CACNA1C: variants seen among roughly 807,000 people sequenced by gnomAD.
CACNA1C encodes the protein voltage-dependent L-type calcium channel subunit alpha-1C.
A neutral mutation model predicts 229.0 loss-of-function variants in CACNA1C; 30 were observed. The observed-to-expected ratio is 0.13, with a 90% CI of 0.10 to 0.18. CACNA1C has a LOEUF of 0.18. Among genes scored for constraint, CACNA1C ranks in the 10% least tolerant of loss-of-function variants. The pLI is 1.00. For synonymous variants in CACNA1C, 1,114 were observed against 1,132.5 expected, an observed-to-expected ratio of 0.98 and a Z score of 0.33; for missense variants, 1,658 against 2,845.0, an observed-to-expected ratio of 0.58 and a Z score of 9.49.
intron 3 of CACNA1C, among the ~76,000 whole-genome samples, chr12:2,136,063 C>G (rs978489082): frequency 6.6e-6 from 1 of 150,970 alleles, no homozygotes; most frequent in African/African-American, 2.4e-5. Flanking sequence ...GGGAGTGACC[C>G]AATTTTCCAG....
rs112892848 is a variant in CACNA1C, at chr12:2,572,964, TCTCCTC to T, written c.1895+5182_1895+5187del. 8.0e-5 allele frequency among the ~76,000 whole-genome samples: 11 copies of T among 138,334 alleles called. No homozygotes were observed. The East Asian group carries it at 1.1e-3, about 14-fold the overall frequency. The allele number at this position is 138,334 out of a possible 152,430, so 90.8% of individuals were successfully genotyped here. On this transcript the variant is annotated intron_variant, in intron 13 of 46. Transcript: ENST00000399655. ...CTCCTTCTCCTCTTCCTCTTCCTCC[TCTCCTC>T]CTCCTCCTCCTGTCCTCTTCCTTCT...
chr12:2,556,665 T>C (rs2044462164), intron 10 of CACNA1C, among the ~76,000 whole-genome samples: 1 of 152,234 alleles, frequency 6.6e-6, no homozygotes, highest in African/African-American at 2.4e-5. Flanking sequence ...CTTCCTAACC[T>C]GACCTCATAG....
chr12:2,530,536 T>C (rs955880738), intron 9 of CACNA1C, among the ~76,000 whole-genome samples: 59 of 152,162 alleles, frequency 3.9e-4, no homozygotes, highest in African/African-American at 1.3e-3. Flanking sequence ...AGAAGGACCA[T>C]GATGGAGCCC....
chr12:2,685,594 A>G (rs1429533582), intron 43 of CACNA1C, 142 bp from the exon 44 acceptor site: 4 of 648,342 alleles, frequency 6.2e-6, no homozygotes, highest in East Asian at 2.8e-5. Context: ...TGGGGTGGCA[A>G]TTCCCCAAAC....
intron 3 of CACNA1C, among the ~76,000 whole-genome samples, chr12:2,405,434 A>C (rs1387275005): frequency 1.3e-5 from 2 of 152,098 alleles, no homozygotes; most frequent in Admixed American, 1.3e-4. Flanking sequence ...CATCATCCCT[A>C]ACCCCTGGCA....
chr12:2,206,884 C>T (rs895078051), intron 3 of CACNA1C, among the ~76,000 whole-genome samples: 1 of 152,146 alleles, frequency 6.6e-6, no homozygotes, highest in South Asian at 2.1e-4. Context: ...ACCCATGCTT[C>T]GTATTTTATA....
intron 1 of CACNA1C, among the ~76,000 whole-genome samples, chr12:2,085,938 G>A (rs745437122): frequency 1.3e-5 from 2 of 152,146 alleles, no homozygotes; most frequent in Non-Finnish European, 2.9e-5. Flanking sequence ...TGGATATGCC[G>A]TTCCCTGTAC....
At position 2,298,087 on chromosome 12, in the gene CACNA1C, A is replaced by G. The variant is rs1275339652; in HGVS notation, c.478-150889A>G. 5.9e-5 allele frequency among the ~76,000 whole-genome samples: 9 copies of G among 152,278 alleles called. No homozygotes were observed. The South Asian group carries it at 1.2e-3, about 21-fold the overall frequency. ...CTGTGGAGTCCGACAGTGGGGTTCA[A>G]ATACTCACATGTGCTGTTGTGCTTG... On this transcript the variant is annotated intron_variant, in intron 3 of 46. Transcript: ENST00000399655.
In CACNA1C at chr12:2,335,590, T is replaced by G. The variant is rs372815995; in HGVS notation, c.478-113386T>G. On this transcript the variant is annotated intron_variant, in intron 3 of 46. Transcript: ENST00000399655. Reference sequence around the variant, plus strand: ...CCTGGAAGGCAGGTCTGCTCTGTTCTCTTCTTTCACATGTGTCTACTCCCA... The same window carrying G: ...CCTGGAAGGCAGGTCTGCTCTGTTCGCTTCTTTCACATGTGTCTACTCCCA... 1.8e-3 allele frequency among the ~76,000 whole-genome samples: 281 copies of G among 152,326 alleles called. 2 individuals are homozygous for G. The highest frequency in any genetic ancestry group is 6.3e-3 in the African/African-American group (262 of 41,592).
chr12:1,991,550 C>T, intron 1 of CACNA1C: 1 of 225,764 alleles, frequency 4.4e-6, no homozygotes, highest in Non-Finnish European at 8.7e-6. Context: ...AGGTTTTTTC[C>T]TTTTTTTTTT....
chr12:2,434,279 A>G (rs550891763), intron 3 of CACNA1C, among the ~76,000 whole-genome samples: 1 of 152,300 alleles, frequency 6.6e-6, no homozygotes, highest in African/African-American at 2.4e-5. Context: ...TCATCATGTC[A>G]TATCTGAAGT....
chr12:2,474,341 G>A lies in CACNA1C; in HGVS notation c.758-11763G>A, dbSNP rs116342923. ...AAGGGTTTGGCACAAAGAGAATGTC[G>A]CAAAGATTTTCCAGTGCTCTAGAAT... On this transcript the variant is annotated intron_variant, in intron 5 of 46. Coordinates refer to ENST00000399655, the MANE Select transcript of CACNA1C (RefSeq NM_000719.7). Among the ~76,000 whole-genome samples, 1,083 of 152,224 alleles carry A rather than the reference G, an allele frequency of 7.1e-3. 8 individuals are homozygous for A. Among genetic ancestry groups the A allele is most frequent in the African/African-American group, 0.024 (985 of 41,536 alleles).
intron 3 of CACNA1C, among the ~76,000 whole-genome samples, chr12:2,209,543 A>G (rs1216266100): frequency 6.6e-6 from 1 of 152,202 alleles, no homozygotes; most frequent in African/African-American, 2.4e-5. Flanking sequence ...CCACCGTCAC[A>G]CAGCGCCCTA....
intron 3 of CACNA1C, among the ~76,000 whole-genome samples, chr12:2,251,153 G>A (rs1474883393): frequency 6.6e-6 from 1 of 152,196 alleles, no homozygotes; most frequent in Non-Finnish European, 1.5e-5. Flanking sequence ...CTGGGGAGTG[G>A]AGAATCGTTG....
At chr12:2,125,453 C>T (rs907503951) in intron 3 of CACNA1C, among the ~76,000 whole-genome samples, 6 of 152,022 alleles carry the variant, frequency 3.9e-5, no homozygotes, top group African/African-American at 7.2e-5. Context: ...TTATGTACCC[C>T]GAAAATGAAG....
Position 2,232,291 on chromosome 12 carries a change from T to C in CACNA1C, c.477+111861T>C, listed in dbSNP as rs139094586. ...TTTGTTTTTAATGACTTTGACACTT[T>C]TGAAGAATCCGGGTCAGTTATCATG... On this transcript the variant is annotated intron_variant, in intron 3 of 46. Coordinates refer to ENST00000399655, the MANE Select transcript of CACNA1C (RefSeq NM_000719.7). 1.3e-5 allele frequency among the ~76,000 whole-genome samples: 2 copies of C among 150,812 alleles called. 1 individual carries two copies. Among genetic ancestry groups the C allele is most frequent in the African/African-American group, 4.9e-5 (2 of 40,822 alleles).
rs978882128 is a variant in CACNA1C at position 2,493,589 on chromosome 12, C to T, written c.1113+203C>T. ...CTTTTCACCCTAACGAGTCCCCTCCCCCACCCGCCAGCCTTAGGGGAAGGT... is the reference window on the plus strand; with the variant it reads ...CTTTTCACCCTAACGAGTCCCCTCCTCCACCCGCCAGCCTTAGGGGAAGGT... On this transcript the variant is annotated intron_variant, in intron 7 of 46. Coordinates refer to ENST00000399655, the MANE Select transcript of CACNA1C (RefSeq NM_000719.7). The surrounding 1 kb of genome is among the most constrained non-coding windows in gnomAD (Gnocchi z 4.6). Among the ~76,000 whole-genome samples, 23 of 152,188 alleles carry T rather than the reference C, an allele frequency of 1.5e-4. No individual in the cohort carries two copies. Among genetic ancestry groups the T allele is most frequent in the African/African-American group, 5.3e-4 (22 of 41,428 alleles).
intron 3 of CACNA1C, among the ~76,000 whole-genome samples, chr12:2,214,703 C>T (rs1034930152): frequency 3.8e-5 from 2 of 52,630 alleles, no homozygotes; most frequent in African/African-American, 2.6e-4. Context: ...CAGGAGTGTG[C>T]CTGAGGACCT....
chr12:2,624,903 C>T (rs974488917), intron 29 of CACNA1C, among the ~76,000 whole-genome samples: 4 of 152,226 alleles, frequency 2.6e-5, no homozygotes, highest in African/African-American at 9.6e-5. Flanking sequence ...GCAGCAGCTG[C>T]GGATGAAATG....
Sources: gnomAD v4.1 joint callset for allele counts (sites outside exome capture counted in the v4.1 genomes callset) on GRCh38, gnomAD v4.1.1 for gene constraint, Gnocchi (gnomAD v3.1) non-coding constraint, MANE v1.5 for transcripts, NCBI Gene and HGNC (gene_info 2026-07-23, HGNC 2026-07-21) for gene names.